Variants in SIRT2 observed in about 807,000 individuals in gnomAD.
SIRT2 encodes the protein NAD-dependent protein deacetylase sirtuin-2.
Under a neutral mutation model 57.4 loss-of-function variants are expected in SIRT2, and 40 were observed. The ratio of observed to expected loss-of-function variants is 0.70; its 90% CI spans 0.54 to 0.91. SIRT2 has a LOEUF of 0.91. Among genes scored for constraint, SIRT2 ranks in the 40% least tolerant of loss-of-function variants. The probability of loss-of-function intolerance (pLI) is 0.00; values close to 1 mark genes in which losing one functional copy is unlikely to be tolerated. For synonymous variants in SIRT2, 161 were observed against 195.7 expected, an observed-to-expected ratio of 0.82 and a Z score of 1.48; for missense variants, 439 against 510.4, an observed-to-expected ratio of 0.86 and a Z score of 1.35.
At position 38,893,447 on chromosome 19, in the gene SIRT2, C is replaced by G; in HGVS notation, c.193G>C (p.Glu65Gln). Residue 65 changes from glutamate (E) to glutamine (Q), a missense_variant, in exon 4 of 16, where the codon GAA becomes CAA. Transcript: ENST00000249396. ...CTCTGCATGTACCGGGCCACCCCTTCCAAGGTCAGCTCGTCCAGCAGACGC... is the reference window on the plus strand; with the variant it reads ...CTCTGCATGTACCGGGCCACCCCTTGCAAGGTCAGCTCGTCCAGCAGACGC... ...KERLLDELTLEGVARYMQSER... is the reference protein window; with the variant it reads ...KERLLDELTLQGVARYMQSER... The G allele has an allele frequency of 1.2e-6, 2 of 1,614,016 alleles. No individual in the cohort carries two copies. The highest frequency in any genetic ancestry group is 1.7e-6 in the Non-Finnish European group (2 of 1,179,920).
chr19:38,885,651 C>T (rs904492482), intron 8 of SIRT2, among the ~76,000 whole-genome samples: 8 of 145,660 alleles, frequency 5.5e-5, no homozygotes, highest in Middle Eastern at 3.3e-3. Flanking sequence ...AGTGCAGTGG[C>T]GCAATCTTGG....
chr19:38,891,510 C>T (rs984946872), intron 4 of SIRT2, among the ~76,000 whole-genome samples: 2 of 152,054 alleles, frequency 1.3e-5, no homozygotes, highest in African/African-American at 2.4e-5. Flanking sequence ...GATAGCGCCA[C>T]TGCACTCCAG....
Position 38,890,089 on chromosome 19 carries a change from G to A in SIRT2, c.268+14C>T. On this transcript the variant is annotated intron_variant, in intron 5 of 15. Transcript: ENST00000249396. ...GTTCCTGGGGGTAGCTGCTGGGGGA[G>A]AAGGGTTACTTACATGTGGAGATTC... The A allele has an allele frequency of 6.2e-7, 1 of 1,614,182 alleles. No individual in the cohort carries two copies. The highest frequency in any genetic ancestry group is 8.5e-7 in the Non-Finnish European group (1 of 1,180,012).
At chr19:38,885,834 C>A (rs1045446403) in intron 8 of SIRT2, among the ~76,000 whole-genome samples, 2 of 152,076 alleles carry the variant, frequency 1.3e-5, no homozygotes, top group Non-Finnish European at 2.9e-5. Context: ...CGTGATCTGC[C>A]CACCTCAGCC....
At chr19:38,883,539 GAGC>G in intron 9 of SIRT2, 85 bp downstream of exon 9, 1 of 1,498,988 alleles carries the variant, frequency 6.7e-7, no homozygotes, top group Non-Finnish European at 9.1e-7. Context: ...CCAAAGAATT[GAGC>G]AGGACAGAAT....
chr19:38,892,451 C>T (rs1973571659), intron 4 of SIRT2, among the ~76,000 whole-genome samples: 2 of 151,870 alleles, frequency 1.3e-5, no homozygotes, highest in Admixed American at 1.3e-4. Context: ...TAAGTGGACA[C>T]CTATCCACCA....
In SIRT2 at chr19:38,893,416, C is replaced by T. The variant is rs200520235; in HGVS notation, c.224G>A (p.Arg75His). The T allele has an allele frequency of 7.7e-5, 123 of 1,606,330 alleles. No individual in the cohort carries two copies. The highest frequency in any genetic ancestry group is 9.5e-5 in the Non-Finnish European group (111 of 1,173,140). Residue 75 changes from arginine (R) to histidine (H), a missense_variant and splice_region_variant, in exon 4 of 16, where the codon CGC (arginine) becomes CAC (histidine). By Grantham distance (29) the Arg-to-His change is conservative. Transcript: ENST00000249396. ...CCCAATCCTGACAGGGGACTCACAG[C>T]GTTCGCTCTGCATGTACCGGGCCAC... ...EGVARYMQSERCRRVICLVGA... is the reference protein window; with the variant it reads ...EGVARYMQSEHCRRVICLVGA...
rs1646713263 is a variant in SIRT2 at position 38,883,758 on chromosome 19, T to C, written c.502-2A>G. 6.2e-7 allele frequency: 1 copy of C among 1,613,778 alleles called. No individual in the cohort carries two copies. Among genetic ancestry groups the C allele is most frequent in the Non-Finnish European group, 8.5e-7 (1 of 1,179,780 alleles). On this transcript the variant is annotated splice_acceptor_variant, in intron 8 of 15. Coordinates refer to ENST00000249396, the MANE Select transcript of SIRT2 (RefSeq NM_012237.4). LOFTEE classifies it high-confidence loss of function. The stretch of plus-strand genomic sequence containing the variant: ...TATTCGCTCCAGGGTATCTATGTTC[T>C]AGAGGGAGAGATGGAGGGAAGAGGG...
intron 4 of SIRT2, among the ~76,000 whole-genome samples, chr19:38,892,763 C>T (rs28480241): frequency 9.5e-5 from 14 of 146,842 alleles, no homozygotes; most frequent in Non-Finnish European, 1.2e-4. Flanking sequence ...GTAGAGATGG[C>T]GGGGGGGTCT....
chr19:38,882,480 T>C (rs866375148), intron 9 of SIRT2, among the ~76,000 whole-genome samples: 1 of 151,578 alleles, frequency 6.6e-6, no homozygotes, highest in African/African-American at 2.4e-5. Flanking sequence ...ACTAAAAATA[T>C]AAAAATTAGC....
In SIRT2 at chr19:38,880,660, CG is replaced by C; in HGVS notation, c.876+24del. On this transcript the variant is annotated intron_variant, in intron 13 of 15. Coordinates refer to ENST00000249396, the MANE Select transcript of SIRT2 (RefSeq NM_012237.4). This position sits in a 1 kb window ranked among gnomAD's most constrained non-coding sequence, Gnocchi z 4.1. Reference sequence around the variant, plus strand: ...AGAGGGAAGGGGGAGCCTGTGACGACGGGGGCTTGAAGAAGGGCTCTTACCT... The same window carrying C: ...AGAGGGAAGGGGGAGCCTGTGACGACGGGGCTTGAAGAAGGGCTCTTACCT... 2.0e-6 allele frequency: 3 copies of C among 1,526,648 alleles called. No individual in the cohort carries two copies. The highest frequency in any genetic ancestry group is 2.6e-5 in the South Asian group (2 of 77,756). The allele number at this position is 1,526,648 out of a possible 1,614,324, so 94.6% of individuals were successfully genotyped here.
At position 38,878,656 on chromosome 19, in the gene SIRT2, C is replaced by G. The variant is rs1450236819; in HGVS notation, c.*499G>C. ...GTCCCACGTGAAGGGGGCCCACCACCCACTTTGGGAGCTGAAGGCAGAGAC... is the reference window on the plus strand; with the variant it reads ...GTCCCACGTGAAGGGGGCCCACCACGCACTTTGGGAGCTGAAGGCAGAGAC... On this transcript the variant is annotated 3_prime_UTR_variant, in exon 16 of 16. Coordinates refer to ENST00000249396, the MANE Select transcript of SIRT2 (RefSeq NM_012237.4). 2 of 153,488 alleles carry G rather than the reference C, an allele frequency of 1.3e-5. No homozygotes were observed. The highest frequency in any genetic ancestry group is 1.9e-4 in the East Asian group (1 of 5,216). The allele number at this position is 153,488 out of a possible 1,614,324, so 9.5% of individuals were successfully genotyped here. A position where few individuals can be genotyped will look rare whatever the true frequency, so the allele number is the denominator to read the frequency against.
intron 2 of SIRT2, among the ~76,000 whole-genome samples, chr19:38,897,203 G>A (rs1379853234): frequency 1.3e-5 from 2 of 152,172 alleles, no homozygotes; most frequent in South Asian, 2.1e-4. Flanking sequence ...ACTAAACAGT[G>A]GGCCCAGCTT....
At chr19:38,883,547 C>T (rs1325665843) in intron 9 of SIRT2, 80 bp downstream of exon 9, 1 of 1,540,984 alleles carries the variant, frequency 6.5e-7, no homozygotes, top group African/African-American at 1.4e-5. Context: ...TTGAGCAGGA[C>T]AGAATGGGTG....
intron 3 of SIRT2, 105 bp from the exon 4 acceptor site, chr19:38,893,632 C>A: frequency 8.5e-7 from 1 of 1,181,104 alleles, no homozygotes; most frequent in Admixed American, 2.0e-5. Flanking sequence ...CTCCCCACAT[C>A]TAAAGGCACA....
At chr19:38,879,367 A>G (rs1376910260) in intron 15 of SIRT2, 57 bp from the exon 16 acceptor site, 8 of 1,604,438 alleles carry the variant, frequency 5.0e-6, no homozygotes, top group Non-Finnish European at 6.8e-6. Context: ...GGGTCAGAGG[A>G]CCCATGGGGT....
intron 8 of SIRT2, 114 bp downstream of exon 8, chr19:38,888,973 G>T (rs532115883): frequency 3.4e-6 from 3 of 892,664 alleles, no homozygotes; most frequent in Non-Finnish European, 5.4e-6. Context: ...CCCTGGCCCC[G>T]CATTGCTGGA....
rs780340103 is a variant in SIRT2 at position 38,895,942 on chromosome 19, C to T, written c.64-2075G>A. ...AAAAAATTAGCCAGGCATGGTGGCA[C>T]GTGTCTGTAGTCCCAGCTATTCAGG... On this transcript the variant is annotated intron_variant, in intron 2 of 15. Transcript: ENST00000249396. 1.4e-4 allele frequency among the ~76,000 whole-genome samples: 22 copies of T among 152,052 alleles called. 1 individual carries two copies. The highest frequency in any genetic ancestry group is 1.9e-4 in the East Asian group (1 of 5,192).
chr19:38,889,573 A>G (rs902345624), intron 7 of SIRT2, 116 bp downstream of exon 7: 3 of 1,184,050 alleles, frequency 2.5e-6, no homozygotes, highest in Non-Finnish European at 2.4e-6. Context: ...GTCTGGGCCC[A>G]GCACCCATGT....
Sources: gnomAD v4.1 joint callset for allele counts (sites outside exome capture counted in the v4.1 genomes callset) on GRCh38, gnomAD v4.1.1 for gene constraint, Gnocchi (gnomAD v3.1) non-coding constraint, MANE v1.5 for transcripts, NCBI Gene and HGNC (gene_info 2026-07-23, HGNC 2026-07-21) for gene names.